Variants in SORCS3 observed in about 807,000 individuals in gnomAD.
SORCS3 encodes sortilin related VPS10 domain containing receptor 3, also known as VPS10 domain-containing receptor SorCS3.
Under a neutral mutation model 146.3 loss-of-function variants are expected in SORCS3, and 57 were observed. That is an observed-to-expected ratio of 0.39 (90% CI 0.31 to 0.49). The LOEUF (loss-of-function observed/expected upper bound fraction) is 0.49. Ranked by LOEUF, SORCS3 falls within the 20% of genes least tolerant of loss-of-function variation. SORCS3 has a pLI of 0.92. For synonymous variants in SORCS3, 653 were observed against 618.5 expected, an observed-to-expected ratio of 1.06 and a Z score of -0.83; for missense variants, 1,341 against 1,575.5, an observed-to-expected ratio of 0.85 and a Z score of 2.52.
chr10:105,055,425 C>G (rs1276054806), intron 5 of SORCS3, among the ~76,000 whole-genome samples: 2 of 152,082 alleles, frequency 1.3e-5, no homozygotes, highest in African/African-American at 4.8e-5. Flanking sequence ...AAGCTCTGCC[C>G]TTAATAGTTT....
At chr10:104,693,709 A>T (rs1042462918) in intron 1 of SORCS3, among the ~76,000 whole-genome samples, 2 of 152,188 alleles carry the variant, frequency 1.3e-5, no homozygotes, top group Admixed American at 1.3e-4. Flanking sequence ...AGGCTTCAGG[A>T]ATAACAGGTC....
intron 5 of SORCS3, among the ~76,000 whole-genome samples, chr10:105,061,593 C>T (rs2055486880): frequency 6.6e-6 from 1 of 150,598 alleles, no homozygotes; most frequent in Non-Finnish European, 1.5e-5. Flanking sequence ...CTGCGCCTGG[C>T]CCCCTTTTTT....
chr10:105,043,177 A>G (rs532556893), intron 5 of SORCS3, 49 bp downstream of exon 5: 2 of 1,500,640 alleles, frequency 1.3e-6, no homozygotes, highest in South Asian at 1.1e-5. Flanking sequence ...GAATTATCAA[A>G]CAGCGTAGCA....
chr10:104,931,347 C>T (rs1044258069), intron 3 of SORCS3, among the ~76,000 whole-genome samples: 11 of 152,144 alleles, frequency 7.2e-5, no homozygotes, highest in East Asian at 5.8e-4. Flanking sequence ...GACATTAGGG[C>T]GCTTTGAGAT....
In SORCS3 at chr10:104,926,614, C is replaced by T. The variant is rs114956700; in HGVS notation, c.795+10682C>T. On this transcript the variant is annotated intron_variant, in intron 3 of 26. Coordinates refer to ENST00000369701, the MANE Select transcript of SORCS3 (RefSeq NM_014978.3). Reference sequence around the variant, plus strand: ...GGAGAATCAATGAGGGGGCAGACACCGGTCTAGGAGTTTCCATCTGCCTTC... The same window carrying T: ...GGAGAATCAATGAGGGGGCAGACACTGGTCTAGGAGTTTCCATCTGCCTTC... 2.3e-3 allele frequency among the ~76,000 whole-genome samples: 351 copies of T among 152,286 alleles called. 1 individual carries two copies. The highest frequency in any genetic ancestry group is 7.9e-3 in the African/African-American group (327 of 41,554).
chr10:104,785,080 ACC>A (rs759206919), intron 1 of SORCS3, among the ~76,000 whole-genome samples: 2 of 122,852 alleles, frequency 1.6e-5, no homozygotes, highest in African/African-American at 3.1e-5. Context: ...AGGGGGGCTG[ACC>A]CCCCCCCACC....
intron 5 of SORCS3, among the ~76,000 whole-genome samples, chr10:105,072,751 C>T (rs790745): frequency 0.99 from 147,514 of 148,790 alleles, 73,143 homozygotes; most frequent in Middle Eastern, 1. Context: ...TGCCTGTTTC[C>T]CCCCGTAGCC....
In SORCS3 at chr10:104,826,483, A is replaced by T. The variant is rs1490180; in HGVS notation, c.628-16309A>T. On this transcript the variant is annotated intron_variant, in intron 1 of 26. Coordinates refer to ENST00000369701, the MANE Select transcript of SORCS3 (RefSeq NM_014978.3). ...CAAGTTTTTTGGTTGCCCCATGCAC[A>T]TAAATGTTATGATTACATTATACTG... is the stretch of plus-strand genomic sequence containing the variant. Among the ~76,000 whole-genome samples the T allele has an allele frequency of 7.9e-5, 12 of 152,308 alleles. No homozygotes were observed. The East Asian group carries it at 2.3e-3, about 29-fold the overall frequency.
rs533177389 is a variant in SORCS3 at position 105,135,104 on chromosome 10, G to T, written c.1213-4293G>T. On this transcript the variant is annotated intron_variant, in intron 7 of 26. Coordinates refer to ENST00000369701, the MANE Select transcript of SORCS3 (RefSeq NM_014978.3). ...AGGGTAAACAACCTTAAATCTTGAG[G>T]CTTAAGAATAATTTTCTTCACTCCA... 2.6e-5 allele frequency among the ~76,000 whole-genome samples: 4 copies of T among 152,186 alleles called. No homozygotes were observed. The East Asian group carries it at 7.8e-4, about 29-fold the overall frequency.
chr10:104,990,480 G>A (rs1279210745), intron 4 of SORCS3, among the ~76,000 whole-genome samples: 2 of 152,140 alleles, frequency 1.3e-5, no homozygotes. Context: ...GGTGGTGGTA[G>A]CGGAAGATTT....
chr10:104,725,840 G>A (rs1329393669), intron 1 of SORCS3, among the ~76,000 whole-genome samples: 2 of 152,236 alleles, frequency 1.3e-5, no homozygotes, highest in Non-Finnish European at 2.9e-5. Flanking sequence ...CAGTATTAGG[G>A]TGGGAGTGAC....
rs2056748348 is a variant in SORCS3, at chr10:105,228,585, T to C, written c.2868+5336T>C. On this transcript the variant is annotated intron_variant, in intron 20 of 26. Transcript: ENST00000369701. ...TTTGCTTGTCTGGGAAATATTTCAT[T>C]TCTTCTTCATTTATGAAGAATATCT... is the stretch of plus-strand genomic sequence containing the variant. 7.2e-5 allele frequency among the ~76,000 whole-genome samples: 11 copies of C among 152,284 alleles called. No homozygotes were observed. In the South Asian group the frequency reaches 2.1e-3, roughly 29 times the overall value.
At chr10:104,817,729 C>T (rs1330805822) in intron 1 of SORCS3, among the ~76,000 whole-genome samples, 1 of 134,480 alleles carries the variant, frequency 7.4e-6, no homozygotes, top group Non-Finnish European at 1.6e-5. Flanking sequence ...CCTCCTCTTC[C>T]CCTTTTTTGT....
intron 20 of SORCS3, among the ~76,000 whole-genome samples, chr10:105,239,764 C>T (rs892435572): frequency 6.6e-6 from 1 of 152,202 alleles, no homozygotes; most frequent in African/African-American, 2.4e-5. Flanking sequence ...ATAAATGTGT[C>T]TGCTTGCCTA....
At chr10:104,743,810 A>G (rs2133462933) in intron 1 of SORCS3, among the ~76,000 whole-genome samples, 1 of 152,274 alleles carries the variant, frequency 6.6e-6, no homozygotes, top group African/African-American at 2.4e-5. Context: ...CGATGTGGAT[A>G]TGAGGACTTG....
At chr10:104,907,918 G>T (rs2018925122) in intron 2 of SORCS3, among the ~76,000 whole-genome samples, 2 of 152,264 alleles carry the variant, frequency 1.3e-5, no homozygotes, top group Non-Finnish European at 2.9e-5. Context: ...CTGGGCTTCT[G>T]CCATTGCAAA....
rs545912134 is a variant in SORCS3 at position 105,064,759 on chromosome 10, A to C, written c.1028+21631A>C. 2.6e-5 allele frequency among the ~76,000 whole-genome samples: 4 copies of C among 152,038 alleles called. No individual in the cohort carries two copies. The South Asian group carries it at 8.3e-4, about 32-fold the overall frequency. On this transcript the variant is annotated intron_variant, in intron 5 of 26. Coordinates refer to ENST00000369701, the MANE Select transcript of SORCS3 (RefSeq NM_014978.3). ...ATAAAAAGGGAGAGAGAAAGAATTC[A>C]CCTTTCCTCTTTTTGTTCTCTCCAG... is the stretch of plus-strand genomic sequence containing the variant.
At chr10:105,231,730 G>A (rs1249284088) in intron 20 of SORCS3, among the ~76,000 whole-genome samples, 1 of 152,014 alleles carries the variant, frequency 6.6e-6, no homozygotes, top group Non-Finnish European at 1.5e-5. Flanking sequence ...AATGGGTGTT[G>A]GATTGTGTTA....
At chr10:104,647,888 G>T (rs914011583) in intron 1 of SORCS3, among the ~76,000 whole-genome samples, 1 of 152,238 alleles carries the variant, frequency 6.6e-6, no homozygotes, top group African/African-American at 2.4e-5. Flanking sequence ...TCAGAGATCA[G>T]ATGGACACCC....
Sources: gnomAD v4.1 joint callset for allele counts (sites outside exome capture counted in the v4.1 genomes callset) on GRCh38, gnomAD v4.1.1 for gene constraint, MANE v1.5 for transcripts, NCBI Gene and HGNC (gene_info 2026-07-23, HGNC 2026-07-21) for gene names.